The following GSE1 variants were observed in gnomAD, a reference collection of about 807,000 sequenced individuals.
GSE1 encodes the protein genetic suppressor element 1.
A neutral mutation model predicts 112.6 loss-of-function variants in GSE1; 32 were observed. That is an observed-to-expected ratio of 0.28 (90% CI 0.21 to 0.38). The LOEUF (loss-of-function observed/expected upper bound fraction) is 0.38, where lower values mean the gene tolerates loss of function less well. Ranked by LOEUF, GSE1 falls within the 10% of genes least tolerant of loss-of-function variation. The probability of loss-of-function intolerance (pLI) is 1.00; values close to 1 mark genes in which losing one functional copy is unlikely to be tolerated. For synonymous variants in GSE1, 1,115 were observed against 735.6 expected (o/e 1.52, Z -8.35); for missense variants, 2,348 against 1,699.2 (o/e 1.38, Z -6.71).
In GSE1 at chr16:85,654,929, T is replaced by C; in HGVS notation, c.735T>C (p.Thr245=). ...SLPPLGLDPA[T]AAAYYHPSYL... The stretch of plus-strand genomic sequence containing the variant: ...CTCCCCTCGGCCTGGACCCGGCCAC[T>C]GCTGCAGCCTACTACCACCCCAGCT... The change falls in exon 5 of 16, where the codon ACT becomes ACC. Residue 245 remains threonine (T), a synonymous_variant. Coordinates refer to ENST00000253458, the MANE Select transcript of GSE1 (RefSeq NM_014615.5). 1.9e-6 allele frequency: 3 copies of C among 1,610,742 alleles called. No individual in the cohort carries two copies. The highest frequency in any genetic ancestry group is 2.5e-6 in the Non-Finnish European group (3 of 1,179,430).
intron 2 of GSE1, among the ~76,000 whole-genome samples, chr16:85,497,392 C>T (rs566379771): frequency 1.3e-5 from 2 of 152,200 alleles, no homozygotes; most frequent in Non-Finnish European, 2.9e-5. Flanking sequence ...GCCTCAGTTT[C>T]CTCATCTATA....
chr16:85,348,986 C>T (rs544951046), intron 1 of GSE1, among the ~76,000 whole-genome samples: 27 of 152,156 alleles, frequency 1.8e-4, no homozygotes, highest in Admixed American at 4.6e-4. Flanking sequence ...CAGCCGGGAG[C>T]GCTGCAGCCG....
intron 1 of GSE1, among the ~76,000 whole-genome samples, chr16:85,306,622 C>T (rs1004473355): frequency 6.6e-6 from 1 of 152,194 alleles, no homozygotes; most frequent in African/African-American, 2.4e-5. Flanking sequence ...AGTCATAGCT[C>T]ACTGCAGCCT....
rs535501660 is a variant in GSE1 at position 85,565,351 on chromosome 16, A to G, written c.37+8988A>G. ...GGTTGCAGTGAGACGAGATGGTGCC[A>G]CTGCACTCCAGCCTGGGTGACAGAG... On this transcript the variant is annotated intron_variant, in intron 1 of 2. Transcript: ENST00000635906. Among the ~76,000 whole-genome samples, 39 of 151,084 alleles carry G rather than the reference A, an allele frequency of 2.6e-4. No homozygotes were observed. The East Asian group carries it at 7.2e-3, about 28-fold the overall frequency.
At chr16:85,505,864 C>T (rs554868170) in intron 2 of GSE1, among the ~76,000 whole-genome samples, 2 of 152,064 alleles carry the variant, frequency 1.3e-5, no homozygotes, top group South Asian at 4.2e-4. Flanking sequence ...ACTAGCTGAG[C>T]ATCGTGGTGC....
intron 1 of GSE1, among the ~76,000 whole-genome samples, chr16:85,267,976 G>T (rs1013396717): frequency 6.6e-6 from 1 of 152,170 alleles, no homozygotes; most frequent in African/African-American, 2.4e-5. Context: ...ACTTCAGAGG[G>T]TTGTGGCCAG....
intron 1 of GSE1, among the ~76,000 whole-genome samples, chr16:85,623,568 G>C (rs946753187): frequency 1.3e-5 from 2 of 152,082 alleles, no homozygotes; most frequent in East Asian, 1.9e-4. Flanking sequence ...GTGTTCCCTC[G>C]AGGCCCCACA....
intron 2 of GSE1, among the ~76,000 whole-genome samples, chr16:85,403,182 G>C (rs2048159330): frequency 6.6e-6 from 1 of 152,290 alleles, no homozygotes; most frequent in South Asian, 2.1e-4. Flanking sequence ...TCACCACAGG[G>C]ATCCTGTGCT....
At chr16:85,495,420 C>A (rs1231404657) in intron 2 of GSE1, among the ~76,000 whole-genome samples, 1 of 150,560 alleles carries the variant, frequency 6.6e-6, no homozygotes, top group African/African-American at 2.4e-5. Flanking sequence ...TGAGAACATG[C>A]TGGGAACATT....
At chr16:85,266,132 C>T (rs945072884) in intron 1 of GSE1, among the ~76,000 whole-genome samples, 9 of 152,062 alleles carry the variant, frequency 5.9e-5, no homozygotes, top group Non-Finnish European at 1.5e-5. Context: ...GGTGGGGGAG[C>T]GCCCCACCCC....
intron 2 of GSE1, among the ~76,000 whole-genome samples, chr16:85,533,967 C>G (rs188907603): frequency 1.3e-5 from 2 of 152,250 alleles, no homozygotes; most frequent in African/African-American, 4.8e-5. Context: ...CATATGCGTA[C>G]GTCTGTGTAA....
intron 1 of GSE1, among the ~76,000 whole-genome samples, chr16:85,352,711 G>A (rs2046875924): frequency 6.6e-6 from 1 of 152,224 alleles, no homozygotes; most frequent in Non-Finnish European, 1.5e-5. Context: ...TCAAGATGGT[G>A]CTGAGCAGGA....
intron 1 of GSE1, among the ~76,000 whole-genome samples, chr16:85,277,481 A>C (rs1248942362): frequency 6.6e-6 from 1 of 151,940 alleles, no homozygotes; most frequent in Non-Finnish European, 1.5e-5. Context: ...TGTACTGCTC[A>C]GATGTGTATG....
At chr16:85,616,837 A>G (rs1337062475) in intron 1 of GSE1, among the ~76,000 whole-genome samples, 1 of 151,986 alleles carries the variant, frequency 6.6e-6, no homozygotes, top group African/African-American at 2.4e-5. Context: ...GTCGCTGTCA[A>G]TGAGAATTTA....
At chr16:85,254,181 C>G (rs757935042) in intron 1 of GSE1, among the ~76,000 whole-genome samples, 1 of 152,214 alleles carries the variant, frequency 6.6e-6, no homozygotes, top group Non-Finnish European at 1.5e-5. Context: ...CCCTGGTGTA[C>G]TCTGGTGCAC....
At chr16:85,209,429 C>T (rs900726817) in intron 1 of GSE1, among the ~76,000 whole-genome samples, 5 of 152,162 alleles carry the variant, frequency 3.3e-5, no homozygotes, top group African/African-American at 1.2e-4. Flanking sequence ...GCAGAGGAAC[C>T]TGCCGCATTC....
intron 12 of GSE1, among the ~76,000 whole-genome samples, chr16:85,665,674 ACT>A (rs1485165428): frequency 1.3e-5 from 2 of 151,460 alleles, no homozygotes; most frequent in Non-Finnish European, 1.5e-5. Flanking sequence ...CCCCTCACAC[ACT>A]CTCTTGTCCG....
intron 1 of GSE1, among the ~76,000 whole-genome samples, chr16:85,274,312 G>C (rs1441801011): frequency 6.6e-6 from 1 of 152,134 alleles, no homozygotes; most frequent in African/African-American, 2.4e-5. Flanking sequence ...TTGAACCTGG[G>C]AGGCGGAGGT....
intron 2 of GSE1, among the ~76,000 whole-genome samples, chr16:85,483,731 C>T (rs1394282614): frequency 6.6e-6 from 1 of 152,270 alleles, no homozygotes; most frequent in African/African-American, 2.4e-5. Flanking sequence ...GGAGCCCGTC[C>T]CCGTGTAAAC....
Sources: allele counts gnomAD v4.1 joint callset (sites outside exome capture counted in the v4.1 genomes callset), GRCh38; gene constraint gnomAD v4.1.1; transcripts MANE v1.5; gene names NCBI Gene and HGNC (gene_info 2026-07-23, HGNC 2026-07-21).